CSMD3: variants seen among roughly 807,000 people sequenced by gnomAD.
The protein encoded by CSMD3 is CUB and Sushi multiple domains 3.
A neutral mutation model predicts 435.2 loss-of-function variants in CSMD3; 177 were observed. That is an observed-to-expected ratio of 0.41 (90% confidence interval 0.36 to 0.46). The LOEUF (loss-of-function observed/expected upper bound fraction) is 0.46, where lower values mean the gene tolerates loss of function less well. Ranked by LOEUF, CSMD3 falls within the 20% of genes least tolerant of loss-of-function variation. The pLI is 0.34. For missense variants in CSMD3, 4,265 were observed against 4,504.6 expected (o/e 0.95, Z 1.52); for synonymous variants, 1,656 against 1,520.5 (o/e 1.09, Z -2.07).
chr8:112,881,602 T>A (rs1453443416), intron 10 of CSMD3, among the ~76,000 whole-genome samples: 1 of 152,064 alleles, frequency 6.6e-6, no homozygotes, highest in Non-Finnish European at 1.5e-5. Context: ...TACTGTTTTC[T>A]GCACTCCAAT....
intron 3 of CSMD3, among the ~76,000 whole-genome samples, chr8:113,260,526 A>T (rs1254851168): frequency 1.3e-5 from 2 of 152,128 alleles, no homozygotes; most frequent in Admixed American, 1.3e-4. Context: ...GCTGTATATT[A>T]AAAAGTCCTT....
intron 10 of CSMD3, among the ~76,000 whole-genome samples, chr8:112,912,205 A>T (rs2082440874): frequency 6.6e-6 from 1 of 151,484 alleles, no homozygotes; most frequent in Admixed American, 6.6e-5. Flanking sequence ...ACTGTGAATA[A>T]TTCAGCAATG....
At chr8:112,472,752 A>G in intron 31 of CSMD3, 45 bp from the exon 32 acceptor site, 1 of 984,030 alleles carries the variant, frequency 1.0e-6, no homozygotes, top group East Asian at 2.4e-5. Flanking sequence ...AAAAGTTTTA[A>G]AAAATTCATA....
intron 2 of CSMD3, among the ~76,000 whole-genome samples, chr8:113,302,309 T>TTA (rs1193866378): frequency 7.1e-6 from 1 of 141,428 alleles, no homozygotes; most frequent in Non-Finnish European, 1.5e-5. Context: ...AATATATATA[T>TTA]TATATATATA....
chr8:113,246,481 T>C (rs1010657257), intron 3 of CSMD3, among the ~76,000 whole-genome samples: 42 of 152,258 alleles, frequency 2.8e-4, no homozygotes, highest in Non-Finnish European at 4.4e-5. Flanking sequence ...TTCTCGTTCT[T>C]CCACTTAATT....
chr8:112,901,013 G>C (rs1332972914), intron 10 of CSMD3, among the ~76,000 whole-genome samples: 1 of 151,230 alleles, frequency 6.6e-6, no homozygotes, highest in Admixed American at 6.6e-5. Context: ...GTAATAACCA[G>C]TATTAACATT....
intron 4 of CSMD3, among the ~76,000 whole-genome samples, chr8:113,128,338 G>T (rs550474310): frequency 6.6e-6 from 1 of 151,932 alleles, no homozygotes; most frequent in African/African-American, 2.4e-5. Flanking sequence ...CACATTTATA[G>T]TTTTCTGCTT....
At chr8:112,976,685 A>C (rs1564169910) in intron 6 of CSMD3, among the ~76,000 whole-genome samples, 1 of 152,140 alleles carries the variant, frequency 6.6e-6, no homozygotes, top group Non-Finnish European at 1.5e-5. Context: ...TAAAATAACC[A>C]CTATATGAAA....
intron 62 of CSMD3, among the ~76,000 whole-genome samples, chr8:112,254,803 G>A (rs1279085698): frequency 6.6e-6 from 1 of 151,992 alleles, no homozygotes; most frequent in African/African-American, 2.4e-5. Flanking sequence ...AGATGTGTCG[G>A]TTTATTTGAA....
rs189935521 is a variant in CSMD3, at chr8:113,207,963, C to T, written c.515-34047G>A. On this transcript the variant is annotated intron_variant, in intron 3 of 70. Coordinates refer to ENST00000297405, the MANE Select transcript of CSMD3 (RefSeq NM_198123.2). Reference sequence around the variant, plus strand: ...GGTTTGGCATACGGCCAATGATTAGCTCTCTGCATATATTTCTGCACAATA... The same window carrying T: ...GGTTTGGCATACGGCCAATGATTAGTTCTCTGCATATATTTCTGCACAATA... Among the ~76,000 whole-genome samples the T allele has an allele frequency of 2.8e-3, 430 of 152,282 alleles. 2 individuals are homozygous for T. Among genetic ancestry groups the T allele is most frequent in the African/African-American group, 9.6e-3 (401 of 41,578 alleles).
intron 3 of CSMD3, among the ~76,000 whole-genome samples, chr8:113,175,454 T>C (rs2092333998): frequency 6.6e-6 from 1 of 151,930 alleles, no homozygotes; most frequent in Non-Finnish European, 1.5e-5. Context: ...TAATACATTC[T>C]AAACTTAAAT....
At chr8:113,014,783 T>A (rs2086390933) in intron 6 of CSMD3, among the ~76,000 whole-genome samples, 1 of 152,122 alleles carries the variant, frequency 6.6e-6, no homozygotes, top group African/African-American at 2.4e-5. Context: ...ATTAATGACT[T>A]AATTTGTACT....
At chr8:112,411,018 A>G (rs1039605982) in intron 32 of CSMD3, among the ~76,000 whole-genome samples, 44 of 151,072 alleles carry the variant, frequency 2.9e-4, no homozygotes, top group African/African-American at 9.9e-4. Flanking sequence ...ATTAGAAAAC[A>G]TGCCCAATTT....
chr8:112,534,852 C>T (rs1475922572), intron 27 of CSMD3, among the ~76,000 whole-genome samples: 3 of 152,054 alleles, frequency 2.0e-5, no homozygotes, highest in Non-Finnish European at 2.9e-5. Flanking sequence ...GGGCTTCATC[C>T]CTGGGATGCA....
At chr8:112,681,044 T>C (rs994445232) in intron 16 of CSMD3, among the ~76,000 whole-genome samples, 6 of 151,110 alleles carry the variant, frequency 4.0e-5, no homozygotes, top group African/African-American at 1.5e-4. Context: ...TTTTTCTTTT[T>C]TTTTTTTTTA....
chr8:112,509,186 C>A (rs1822840334), intron 28 of CSMD3, among the ~76,000 whole-genome samples: 1 of 151,784 alleles, frequency 6.6e-6, no homozygotes, highest in Admixed American at 6.6e-5. Flanking sequence ...ACCTCCCAGG[C>A]TCAGGTGATC....
At chr8:112,656,634 T>A (rs1321352116) in intron 17 of CSMD3, among the ~76,000 whole-genome samples, 4 of 152,086 alleles carry the variant, frequency 2.6e-5, no homozygotes, top group African/African-American at 9.7e-5. Context: ...ACCAAACATA[T>A]TTTTGGAATT....
chr8:112,580,324 C>A (rs571723379), intron 23 of CSMD3, among the ~76,000 whole-genome samples: 69 of 152,042 alleles, frequency 4.5e-4, no homozygotes, highest in African/African-American at 1.7e-3. Context: ...AACAATCAGA[C>A]CCCAAACAAA....
At chr8:112,978,719 C>A (rs1433481104) in intron 6 of CSMD3, among the ~76,000 whole-genome samples, 2 of 151,862 alleles carry the variant, frequency 1.3e-5, no homozygotes, top group Non-Finnish European at 2.9e-5. Context: ...ATTTTACTAA[C>A]CAGTTCTTAT....
Sources: allele counts gnomAD v4.1 joint callset (sites outside exome capture counted in the v4.1 genomes callset), GRCh38; gene constraint gnomAD v4.1.1; transcripts MANE v1.5; gene names NCBI Gene and HGNC (gene_info 2026-07-23, HGNC 2026-07-21).